Variants in FLRT2 observed in about 807,000 individuals in gnomAD.
The protein encoded by FLRT2 is leucine-rich repeat transmembrane protein FLRT2.
FLRT2 carries 15 observed loss-of-function variants against 40.0 expected under a neutral mutation model. That is an observed-to-expected ratio of 0.38 (90% CI 0.25 to 0.58). The LOEUF (loss-of-function observed/expected upper bound fraction) is 0.58, where lower values mean the gene tolerates loss of function less well. Among genes scored for constraint, FLRT2 ranks in the 20% least tolerant of loss-of-function variants. The pLI is 0.71. For synonymous variants in FLRT2, 380 were observed against 336.8 expected, an observed-to-expected ratio of 1.13 and a Z score of -1.41; for missense variants, 726 against 840.0, an observed-to-expected ratio of 0.86 and a Z score of 1.68.
rs569250972 is a variant in FLRT2, at chr14:85,615,442, G to A, written c.-376-5697G>A. Among the ~76,000 whole-genome samples the A allele has an allele frequency of 7.9e-5, 12 of 152,192 alleles. No homozygotes were observed. The South Asian group carries it at 2.5e-3, about 32-fold the overall frequency. On this transcript the variant is annotated intron_variant, in intron 1 of 1. Transcript: ENST00000330753. ...TTAGACTGACTGGAGCCTGGAAATGGCCAACTGTTTAAACAAAGTGTTTCT... is the reference window on the plus strand; with the variant it reads ...TTAGACTGACTGGAGCCTGGAAATGACCAACTGTTTAAACAAAGTGTTTCT...
At chr14:85,561,794 T>A (rs938217343) in intron 1 of FLRT2, among the ~76,000 whole-genome samples, 1 of 152,232 alleles carries the variant, frequency 6.6e-6, no homozygotes, top group African/African-American at 2.4e-5. Flanking sequence ...TAAAAATGTA[T>A]CATAAAGTAA....
In FLRT2 at chr14:85,621,989, A is replaced by G. The variant is rs754192129; in HGVS notation, c.475A>G (p.Ile159Val). ...GVEDGAFREA[I>V]SLKLLFLSKN... ...GGAAGACGGGGCCTTCCGGGAGGCT[A>G]TTAGCCTCAAATTGTTGTTTTTGTC... The change falls in exon 2 of 2, where the codon ATT becomes GTT. Residue 159 changes from isoleucine to valine, a missense_variant. Coordinates refer to ENST00000330753, the MANE Select transcript of FLRT2 (RefSeq NM_013231.6). 2 of 1,605,198 alleles carry G rather than the reference A, an allele frequency of 1.2e-6. No homozygotes were observed. Among genetic ancestry groups the G allele is most frequent in the Non-Finnish European group, 1.7e-6 (2 of 1,175,700 alleles).
intron 1 of FLRT2, among the ~76,000 whole-genome samples, chr14:85,542,586 T>C (rs1296119520): frequency 6.6e-6 from 1 of 152,206 alleles, no homozygotes; most frequent in Non-Finnish European, 1.5e-5. Context: ...AAGTAGCTTC[T>C]GAACCAACAT....
intron 1 of FLRT2, among the ~76,000 whole-genome samples, chr14:85,545,713 A>G (rs1889241895): frequency 6.6e-6 from 1 of 152,252 alleles, no homozygotes; most frequent in Non-Finnish European, 1.5e-5. Context: ...GACAACTTCT[A>G]GCACATTTTC....
chr14:85,599,839 A>G (rs182006607), intron 1 of FLRT2, among the ~76,000 whole-genome samples: 103 of 152,332 alleles, frequency 6.8e-4, no homozygotes, highest in African/African-American at 2.3e-3. Flanking sequence ...AAGGTCACAT[A>G]GCTAGGAAGT....
chr14:85,552,315 T>A (rs149888874), intron 1 of FLRT2, among the ~76,000 whole-genome samples: 1 of 152,200 alleles, frequency 6.6e-6, no homozygotes, highest in Non-Finnish European at 1.5e-5. Context: ...ACTTAACCTA[T>A]ATAATCCTCA....
chr14:85,541,168 A>G (rs760560098), intron 1 of FLRT2, among the ~76,000 whole-genome samples: 6 of 152,186 alleles, frequency 3.9e-5, no homozygotes, highest in African/African-American at 1.2e-4. Context: ...AAAGTACAAA[A>G]TGCAATCAGA....
chr14:85,592,693 G>T (rs1040873825), intron 1 of FLRT2, among the ~76,000 whole-genome samples: 1 of 149,966 alleles, frequency 6.7e-6, no homozygotes, highest in African/African-American at 2.5e-5. Flanking sequence ...GGAGGCTGAG[G>T]CAGGAGAATC....
intron 1 of FLRT2, among the ~76,000 whole-genome samples, chr14:85,600,490 T>C (rs1480817186): frequency 6.6e-6 from 1 of 152,076 alleles, no homozygotes; most frequent in African/African-American, 2.4e-5. Context: ...AAAACAGGCA[T>C]GGTCAGAAAA....
chr14:85,592,084 C>A (rs1349585400), intron 1 of FLRT2, among the ~76,000 whole-genome samples: 2 of 152,042 alleles, frequency 1.3e-5, no homozygotes, highest in Non-Finnish European at 2.9e-5. Context: ...TCCATAGTTG[C>A]TGATTTTACC....
chr14:85,562,551 G>T (rs1890400579), intron 1 of FLRT2: 1 of 151,418 alleles, frequency 6.6e-6, no homozygotes, highest in African/African-American at 2.4e-5. Context: ...AGAAAGAGTA[G>T]GTGGGTCTAT....
Position 85,640,186 on chromosome 14 carries a change from A to G in FLRT2, c.*16689A>G, listed in dbSNP as rs1894119853. On this transcript the variant is annotated 3_prime_UTR_variant, in exon 2 of 2. Coordinates refer to ENST00000330753, the MANE Select transcript of FLRT2 (RefSeq NM_013231.6). ...TCTTAACAGTTATTGTTATCTAACT[A>G]CTTGACTAGTGTAGATTCTGCTGTG... 1 of 152,174 alleles carries G rather than the reference A, an allele frequency of 6.6e-6. No homozygotes were observed. Among genetic ancestry groups the G allele is most frequent in the Non-Finnish European group, 1.5e-5 (1 of 68,038 alleles). 9.4% of individuals were successfully genotyped at this position (152,174 alleles called of 1,614,324 possible). A position where few individuals can be genotyped will look rare whatever the true frequency, so the allele number is the denominator to read the frequency against.
rs1209971499 is a variant in FLRT2 at position 85,643,971 on chromosome 14, G to A, written c.*20474G>A. On this transcript the variant is annotated 3_prime_UTR_variant, in exon 2 of 2. Coordinates refer to ENST00000330753, the MANE Select transcript of FLRT2 (RefSeq NM_013231.6). ...TCATTATAGCTTCATGAATAATATA[G>A]ATGTTCAGCCAACTTAAGTTGTACC... 6.6e-6 allele frequency: 1 copy of A among 152,156 alleles called. No homozygotes were observed. Among genetic ancestry groups the A allele is most frequent in the Non-Finnish European group, 1.5e-5 (1 of 68,032 alleles). The allele number at this position is 152,156 out of a possible 1,614,324, so 9.4% of individuals were successfully genotyped here.
chr14:85,611,581 G>A (rs1434012214), intron 1 of FLRT2, among the ~76,000 whole-genome samples: 1 of 152,102 alleles, frequency 6.6e-6, no homozygotes, highest in African/African-American at 2.4e-5. Context: ...CAGCTGACCT[G>A]TCTTGGAGAT....
chr14:85,569,704 T>G (rs1490468126), intron 1 of FLRT2, among the ~76,000 whole-genome samples: 1 of 152,222 alleles, frequency 6.6e-6, no homozygotes, highest in East Asian at 1.9e-4. Flanking sequence ...TTAGCAGAGC[T>G]AATAAAAAAT....
At position 85,622,709 on chromosome 14, in the gene FLRT2, A is replaced by T; in HGVS notation, c.1195A>T (p.Thr399Ser). ...CCCTAGCAGAAGCTACACGCCTCCA[A>T]CTCCTACCACATCGAAACTTCCCAC... ...PNPSRSYTPP[T>S]PTTSKLPTIP... Residue 399 changes from threonine (T) to serine (S), a missense_variant, in exon 2 of 2, where the codon ACT becomes TCT. Physicochemically the swap from Thr to Ser is moderately conservative, Grantham distance 58 (BLOSUM62 1). Around this residue, in one of 3 missense-constraint regions of FLRT2, gnomAD observed 611 missense variants for 690.0 expected, o/e 0.89. Transcript: ENST00000330753. 1 of 1,613,610 alleles carries T rather than the reference A, an allele frequency of 6.2e-7. No homozygotes were observed. Among genetic ancestry groups the T allele is most frequent in the South Asian group, 1.1e-5 (1 of 91,052 alleles).
chr14:85,623,550 C>T lies in FLRT2; in HGVS notation c.*53C>T, dbSNP rs1439566588. On this transcript the variant is annotated 3_prime_UTR_variant, in exon 2 of 2. Transcript: ENST00000330753. ...GGACAATTAGACTCTTGAGAACACACTCGTGTGTGCACATAAAGACACGCA... is the reference window on the plus strand; with the variant it reads ...GGACAATTAGACTCTTGAGAACACATTCGTGTGTGCACATAAAGACACGCA... 7.5e-7 allele frequency: 1 copy of T among 1,339,364 alleles called. No individual in the cohort carries two copies. The highest frequency in any genetic ancestry group is 9.8e-7 in the Non-Finnish European group (1 of 1,023,698). The allele number at this position is 1,339,364 out of a possible 1,614,324, so 83.0% of individuals were successfully genotyped here.
At chr14:85,576,791 G>T (rs750292540) in intron 1 of FLRT2, among the ~76,000 whole-genome samples, 2 of 152,194 alleles carry the variant, frequency 1.3e-5, no homozygotes, top group Non-Finnish European at 2.9e-5. Context: ...AGGTATTGTA[G>T]ACACACCTTG....
At position 85,638,878 on chromosome 14, in the gene FLRT2, T is replaced by A. The variant is rs1594976366; in HGVS notation, c.*15381T>A. On this transcript the variant is annotated 3_prime_UTR_variant, in exon 2 of 2. Coordinates refer to ENST00000330753, the MANE Select transcript of FLRT2 (RefSeq NM_013231.6). Reference sequence around the variant, plus strand: ...TTATGATTGTCAAATAACCTTGTTATATGCTAAAAATAAAAGATTAAAAAA... The same window carrying A: ...TTATGATTGTCAAATAACCTTGTTAAATGCTAAAAATAAAAGATTAAAAAA... 1 of 152,206 alleles carries A rather than the reference T, an allele frequency of 6.6e-6. No homozygotes were observed. 9.4% of individuals were successfully genotyped at this position (152,206 alleles called of 1,614,324 possible). A position where few individuals can be genotyped will look rare whatever the true frequency, so the allele number is the denominator to read the frequency against.
Sources: allele counts gnomAD v4.1 joint callset (sites outside exome capture counted in the v4.1 genomes callset), GRCh38; gene constraint gnomAD v4.1.1; regional missense constraint gnomAD v4.1.1; transcripts MANE v1.5; gene names NCBI Gene and HGNC (gene_info 2026-07-23, HGNC 2026-07-21).